The following SETX variants were observed in gnomAD, a reference collection of about 807,000 sequenced individuals.
SETX encodes senataxin.
Under a neutral mutation model 227.2 loss-of-function variants are expected in SETX, and 90 were observed. The observed-to-expected ratio is 0.40, with a 90% CI of 0.33 to 0.47. The LOEUF (loss-of-function observed/expected upper bound fraction) is 0.47, where lower values mean the gene tolerates loss of function less well. Among genes scored for constraint, SETX ranks in the 20% least tolerant of loss-of-function variants. The probability of loss-of-function intolerance (pLI) is 0.91; values close to 1 mark genes in which losing one functional copy is unlikely to be tolerated. For missense variants in SETX, 3,052 were observed against 3,181.5 expected, an observed-to-expected ratio of 0.96 and a Z score of 0.98; for synonymous variants, 1,210 against 1,113.2, an observed-to-expected ratio of 1.09 and a Z score of -1.73.
chr9:132,293,617 A>T (rs1463551571), intron 15 of SETX, among the ~76,000 whole-genome samples: 1 of 152,044 alleles, frequency 6.6e-6, no homozygotes, highest in African/African-American at 2.4e-5. Context: ...ACAGAGTTTC[A>T]CCATGTTGGT....
At chr9:132,313,888 T>C (rs1284974438) in intron 10 of SETX, among the ~76,000 whole-genome samples, 2 of 150,130 alleles carry the variant, frequency 1.3e-5, no homozygotes, top group African/African-American at 4.9e-5. Flanking sequence ...TAGAATACAC[T>C]GAACAGAGAT....
intron 20 of SETX, among the ~76,000 whole-genome samples, chr9:132,278,632 A>C (rs1843321270): frequency 6.6e-6 from 1 of 151,864 alleles, no homozygotes; most frequent in African/African-American, 2.4e-5. Context: ...AAATGCCATG[A>C]ATCTTGAATA....
chr9:132,350,419 G>C (rs553777520), intron 2 of SETX, among the ~76,000 whole-genome samples: 374 of 152,262 alleles, frequency 2.5e-3, no homozygotes, highest in Middle Eastern at 6.8e-3. Flanking sequence ...GGCAGTGTGA[G>C]ATTTTTGAGT....
intron 18 of SETX, 61 bp from the exon 19 acceptor site, chr9:132,283,474 C>G (rs1389412792): frequency 2.5e-6 from 4 of 1,570,468 alleles, no homozygotes; most frequent in Non-Finnish European, 3.5e-6. Context: ...TATGACAGGC[C>G]TATGTTTACT....
At chr9:132,268,889 G>T (rs1278264409) in intron 25 of SETX, among the ~76,000 whole-genome samples, 10 of 152,178 alleles carry the variant, frequency 6.6e-5, no homozygotes. Context: ...ATAGAGGAGT[G>T]AAACAAGAAA....
At chr9:132,348,846 TGA>T (rs541483919) in intron 3 of SETX, among the ~76,000 whole-genome samples, 40 of 152,222 alleles carry the variant, frequency 2.6e-4, no homozygotes, top group African/African-American at 9.1e-4. Flanking sequence ...GAGGATGGCT[TGA>T]GTCCAGAAGG....
rs1230355404 is a variant in SETX at position 132,328,300 on chromosome 9, T to C, written c.3298A>G (p.Asn1100Asp). The C allele has an allele frequency of 1.5e-5, 25 of 1,613,982 alleles. No homozygotes were observed. Among genetic ancestry groups the C allele is most frequent in the Non-Finnish European group, 2.0e-5 (24 of 1,180,034 alleles). Residue 1100 changes from asparagine to aspartate, a missense_variant, in exon 10 of 26, where the codon AAT becomes GAT. Physicochemically the swap from Asn to Asp is conservative, Grantham distance 23. Around this residue, in one of 10 missense-constraint regions of SETX, gnomAD observed 1,483 missense variants for 1,312.0 expected, o/e 1.13. Transcript: ENST00000224140. Reference protein sequence around the residue: ...FSVWQDHPDDNNSVQDGEKKC... With the variant: ...FSVWQDHPDDDNSVQDGEKKC... ...TTCTCACCATCTTGAACTGAATTAT[T>C]ATCGTCTGGATGATCTTGCCAAACT...
In SETX at chr9:132,327,769, A is replaced by G. The variant is rs1376086693; in HGVS notation, c.3829T>C (p.Cys1277Arg). 2.5e-6 allele frequency: 4 copies of G among 1,614,204 alleles called. No homozygotes were observed. The highest frequency in any genetic ancestry group is 2.5e-6 in the Non-Finnish European group (3 of 1,180,030). The change falls in exon 10 of 26, where the codon TGT becomes CGT. Residue 1277 changes from cysteine (C) to arginine (R), a missense_variant. Transcript: ENST00000224140. ...TCAGCTGTTGAAGTTGGCTCAGGAC[A>G]CTGACGAAATTTCTTTGGCGGCACT... is the stretch of plus-strand genomic sequence containing the variant. ...AIVPPKKFRQ[C>R]PEPTSTAEKL...
rs1847017426 is a variant in SETX at position 132,328,683 on chromosome 9, C to A, written c.2915G>T (p.Ser972Ile). The change falls in exon 10 of 26, where the codon AGT becomes ATT. Residue 972 changes from serine (S) to isoleucine (I), a missense_variant. Physicochemically the swap from Ser to Ile is moderately radical, Grantham distance 142. Around this residue, in one of 10 missense-constraint regions of SETX, gnomAD observed 1,483 missense variants for 1,312.0 expected, o/e 1.13. Transcript: ENST00000224140. ...LHKLSLLAQA[S>I]VITFPSDSPQ... is the part of the protein sequence containing the mutation. ...TGAATCGGATGGGAACGTAATAACA[C>A]TGGCTTGAGCTAGTAAAGATAATTT... 1.2e-6 allele frequency: 2 copies of A among 1,613,758 alleles called. No homozygotes were observed. The highest frequency in any genetic ancestry group is 1.7e-6 in the Non-Finnish European group (2 of 1,179,824).
chr9:132,269,100 G>A (rs11243703), intron 25 of SETX, among the ~76,000 whole-genome samples: 6,935 of 152,366 alleles, frequency 0.046, 224 homozygotes, highest in Middle Eastern at 0.071. Context: ...TGTACCATTT[G>A]TCTACTGAAG....
chr9:132,346,709 T>C (rs1262952646), intron 3 of SETX, among the ~76,000 whole-genome samples: 1 of 152,008 alleles, frequency 6.6e-6, no homozygotes, highest in East Asian at 1.9e-4. Context: ...CCCAGCATTT[T>C]GGAAGGCTGA....
At chr9:132,322,863 A>G (rs1395834741) in intron 10 of SETX, among the ~76,000 whole-genome samples, 4 of 152,212 alleles carry the variant, frequency 2.6e-5, no homozygotes, top group African/African-American at 9.7e-5. Flanking sequence ...TAGCTAATAA[A>G]AAATACCACA....
At position 132,326,459 on chromosome 9, in the gene SETX, A is replaced by C. The variant is rs950496984; in HGVS notation, c.5139T>G (p.Phe1713Leu). 6 of 1,614,230 alleles carry C rather than the reference A, an allele frequency of 3.7e-6. No homozygotes were observed. The highest frequency in any genetic ancestry group is 1.3e-5 in the African/African-American group (1 of 75,062). Residue 1713 changes from phenylalanine to leucine, a missense_variant, in exon 10 of 26, where the codon TTT (phenylalanine) becomes TTG (leucine). Coordinates refer to ENST00000224140, the MANE Select transcript of SETX (RefSeq NM_015046.7). ...KEVLKWKYEM[F>L]LNFGQCGPPA... ...GGGGCCCACACTGACCAAAGTTCAA[A>C]AACATTTCATATTTCCATTTTAAGA...
chr9:132,273,602 T>C (rs1218476397), intron 23 of SETX, among the ~76,000 whole-genome samples: 1 of 152,268 alleles, frequency 6.6e-6, no homozygotes, highest in Non-Finnish European at 1.5e-5. Flanking sequence ...CAACTTCCTT[T>C]TCAGATTGTT....
chr9:132,327,753 G>A lies in SETX; in HGVS notation c.3845C>T (p.Ser1282Leu). 1.2e-6 allele frequency: 2 copies of A among 1,614,148 alleles called. No homozygotes were observed. The highest frequency in any genetic ancestry group is 1.7e-6 in the Non-Finnish European group (2 of 1,180,032). ...TTTCAGGCCAAGTTTCTCAGCTGTTGAAGTTGGCTCAGGACACTGACGAAA... is the reference window on the plus strand; with the variant it reads ...TTTCAGGCCAAGTTTCTCAGCTGTTAAAGTTGGCTCAGGACACTGACGAAA... ...KKFRQCPEPT[S>L]TAEKLGLKKG... The change falls in exon 10 of 26, where the codon TCA becomes TTA. Residue 1282 changes from serine to leucine, a missense_variant. By Grantham distance (145) the Ser-to-Leu change is moderately radical. Transcript: ENST00000224140.
chr9:132,329,351 A>G lies in SETX; in HGVS notation c.2247T>C (p.Asp749=). ...GIIVSTRLLT[D]SSTDALEKVS... ...CTTTTTCCAAAGCATCAGTGCTAGA[A>G]TCAGTCAACAAACGTGTTGATACTA... Residue 749 remains aspartate, a synonymous_variant, in exon 10 of 26, where the codon GAT becomes GAC. Transcript: ENST00000224140. 6.2e-7 allele frequency: 1 copy of G among 1,614,060 alleles called. No homozygotes were observed. Among genetic ancestry groups the G allele is most frequent in the Non-Finnish European group, 8.5e-7 (1 of 1,179,966 alleles).
chr9:132,263,653 AG>A lies in SETX; in HGVS notation c.*585del. On this transcript the variant is annotated 3_prime_UTR_variant, in exon 26 of 26. Transcript: ENST00000224140. ...AACCGTGCTGCCCAAAGTGTCCCCT[AG>A]GAGACTCCAGGTTTTTGGGGGGGTT... 6.5e-6 allele frequency: 1 copy of A among 154,290 alleles called. No individual in the cohort carries two copies. The highest frequency in any genetic ancestry group is 3.4e-3 in the Middle Eastern group (1 of 294). 9.6% of individuals were successfully genotyped at this position (154,290 alleles called of 1,614,324 possible). A position where few individuals can be genotyped will look rare whatever the true frequency, so the allele number is the denominator to read the frequency against.
At chr9:132,265,546 T>C (rs2131119099) in intron 25 of SETX, among the ~76,000 whole-genome samples, 1 of 152,248 alleles carries the variant, frequency 6.6e-6, no homozygotes, top group African/African-American at 2.4e-5. Flanking sequence ...TTTTTATCAG[T>C]GCATTCAACT....
chr9:132,292,933 G>A (rs1454166772), intron 15 of SETX, among the ~76,000 whole-genome samples: 10 of 152,116 alleles, frequency 6.6e-5, no homozygotes, highest in Non-Finnish European at 1.5e-5. Context: ...CACCGCACCT[G>A]GCCCCAACTC....
Sources: allele counts gnomAD v4.1 joint callset (sites outside exome capture counted in the v4.1 genomes callset), GRCh38; gene constraint gnomAD v4.1.1; regional missense constraint gnomAD v4.1.1; transcripts MANE v1.5; gene names NCBI Gene and HGNC (gene_info 2026-07-23, HGNC 2026-07-21).